Variants in NBAS observed in about 807,000 individuals in gnomAD.
NBAS encodes the protein NBAS subunit of NRZ tethering complex.
A neutral mutation model predicts 302.5 loss-of-function variants in NBAS; 219 were observed. The ratio of observed to expected loss-of-function variants is 0.72; its 90% CI spans 0.65 to 0.81. The LOEUF is 0.81. Among genes scored for constraint, NBAS ranks in the 30% least tolerant of loss-of-function variants. The probability of loss-of-function intolerance (pLI) is 0.00; values close to 1 mark genes in which losing one functional copy is unlikely to be tolerated. For missense variants in NBAS, 2,932 were observed against 2,841.6 expected (o/e 1.03, Z -0.72); for synonymous variants, 1,118 against 1,021.6 (o/e 1.09, Z -1.80).
intron 40 of NBAS, 106 bp from the exon 41 acceptor site, chr2:15,292,872 G>C: frequency 9.1e-7 from 1 of 1,093,576 alleles, no homozygotes; most frequent in South Asian, 1.3e-5. Context: ...GTTTGGCCCT[G>C]TACACTATTG....
At chr2:15,555,914 A>G (rs984588291) in intron 3 of NBAS, among the ~76,000 whole-genome samples, 1 of 152,194 alleles carries the variant, frequency 6.6e-6, no homozygotes, top group African/African-American at 2.4e-5. Flanking sequence ...AAGGGTGTTC[A>G]GGACTAACAA....
At chr2:14,823,860 A>C in the NBAS span, among the ~76,000 whole-genome samples, 9 of 152,234 alleles carry the variant, frequency 5.9e-5, no homozygotes, top group Non-Finnish European at 1.2e-4. Context: ...AAAAATGTAA[A>C]CATTTTCCAG....
chr2:15,094,398 TA>T, the NBAS span, among the ~76,000 whole-genome samples: 1 of 152,222 alleles, frequency 6.6e-6, no homozygotes. Context: ...ATGGAAATTG[TA>T]AAATGTTCCC....
chr2:15,364,488 G>A lies in NBAS; in HGVS notation c.3817+2092C>T, dbSNP rs10174784. Among the ~76,000 whole-genome samples the A allele has an allele frequency of 9.8e-3, 1,485 of 152,154 alleles. 18 individuals are homozygous for A. The highest frequency in any genetic ancestry group is 0.034 in the African/African-American group (1,402 of 41,510). On this transcript the variant is annotated intron_variant, in intron 32 of 51. Coordinates refer to ENST00000281513, the MANE Select transcript of NBAS (RefSeq NM_015909.4). ...ACAGGTTGTAGTGAGCCAAGATGGC[G>A]CCATTGCACTCCAGCCTGGGCAACA...
chr2:15,146,073 C>A, the NBAS span, among the ~76,000 whole-genome samples: 1 of 152,066 alleles, frequency 6.6e-6, no homozygotes, highest in African/African-American at 2.4e-5. Context: ...CACCTTGGAA[C>A]AACAGAAAGC....
the NBAS span, among the ~76,000 whole-genome samples, chr2:15,098,627 GTATATTA>G: frequency 5.3e-5 from 5 of 94,744 alleles, no homozygotes; most frequent in South Asian, 2.9e-4. Flanking sequence ...ATTATATATT[GTATATTA>G]TATATTATAT....
At chr2:14,989,838 A>G in the NBAS span, among the ~76,000 whole-genome samples, 4 of 152,210 alleles carry the variant, frequency 2.6e-5, no homozygotes, top group Admixed American at 6.5e-5. Context: ...ACAGTATTAC[A>G]TGGCCACTAA....
chr2:15,066,842 C>T, the NBAS span, among the ~76,000 whole-genome samples: 1 of 152,112 alleles, frequency 6.6e-6, no homozygotes, highest in Non-Finnish European at 1.5e-5. Context: ...ATCCAGCAAT[C>T]CCACTTCTAA....
At chr2:14,792,298 C>A in the NBAS span, among the ~76,000 whole-genome samples, 1 of 152,188 alleles carries the variant, frequency 6.6e-6, no homozygotes, top group African/African-American at 2.4e-5. Context: ...TGCCTTAATA[C>A]ACCTAAGCTA....
intron 47 of NBAS, among the ~76,000 whole-genome samples, chr2:15,224,930 G>A (rs550670625): frequency 6.6e-6 from 1 of 152,286 alleles, no homozygotes; most frequent in East Asian, 1.9e-4. Context: ...CAGCTCCCAT[G>A]AAACAATCGG....
chr2:15,328,297 C>G lies in NBAS; in HGVS notation c.4363G>C (p.Gly1455Arg). 6.2e-7 allele frequency: 1 copy of G among 1,613,588 alleles called. No homozygotes were observed. The highest frequency in any genetic ancestry group is 8.5e-7 in the Non-Finnish European group (1 of 1,179,826). ...GCTGTAGTTCCGATTTGATATGCAC[C>G]ACCACATTTTTGCCCCTAAAAAGAA... ...LRPLQGQKCG[G>R]AYQIGTTANE... The change falls in exon 37 of 52, where the codon GGT (glycine) becomes CGT (arginine). Residue 1455 changes from glycine to arginine, a missense_variant. Physicochemically the swap from Gly to Arg is moderately radical, Grantham distance 125. Coordinates refer to ENST00000281513, the MANE Select transcript of NBAS (RefSeq NM_015909.4).
intron 23 of NBAS, among the ~76,000 whole-genome samples, chr2:15,420,120 C>T (rs769492481): frequency 1.8e-4 from 28 of 152,086 alleles, no homozygotes; most frequent in Non-Finnish European, 3.8e-4. Context: ...AACAGTAGCA[C>T]GCTGGGCAAT....
the NBAS span, among the ~76,000 whole-genome samples, chr2:14,917,757 T>C: frequency 6.6e-6 from 1 of 152,188 alleles, no homozygotes; most frequent in Non-Finnish European, 1.5e-5. Flanking sequence ...AGTATCTGTT[T>C]CATTTTATAT....
At chr2:14,784,083 A>AT in the NBAS span, among the ~76,000 whole-genome samples, 18 of 151,806 alleles carry the variant, frequency 1.2e-4, no homozygotes, top group African/African-American at 4.4e-4. Flanking sequence ...GATGGTGAGC[A>AT]TTTTTTCATG....
At chr2:14,814,007 C>T in the NBAS span, among the ~76,000 whole-genome samples, 2 of 152,194 alleles carry the variant, frequency 1.3e-5, no homozygotes, top group Non-Finnish European at 2.9e-5. Flanking sequence ...CAAGGTAGAA[C>T]TCAGGACTTA....
the NBAS span, among the ~76,000 whole-genome samples, chr2:14,800,243 C>G: frequency 2.6e-5 from 4 of 152,190 alleles, no homozygotes; most frequent in African/African-American, 9.7e-5. Flanking sequence ...TGAAGGAGAA[C>G]CTCGTGGGAG....
At chr2:15,139,884 A>T in the NBAS span, among the ~76,000 whole-genome samples, 1 of 152,178 alleles carries the variant, frequency 6.6e-6, no homozygotes, top group Non-Finnish European at 1.5e-5. Flanking sequence ...TGTATTTTCA[A>T]ATACAGCCGC....
At chr2:15,483,094 G>A (rs7577512) in intron 12 of NBAS, among the ~76,000 whole-genome samples, 1 of 152,092 alleles carries the variant, frequency 6.6e-6, no homozygotes, top group African/African-American at 2.4e-5. Context: ...TTTGCTAATT[G>A]TTTTTACCAC....
At chr2:15,036,475 T>C in the NBAS span, among the ~76,000 whole-genome samples, 1 of 152,178 alleles carries the variant, frequency 6.6e-6, no homozygotes, top group Non-Finnish European at 1.5e-5. Flanking sequence ...ACATCGGTAA[T>C]ATGACAATGT....
Sources: allele counts gnomAD v4.1 joint callset (sites outside exome capture counted in the v4.1 genomes callset), GRCh38; gene constraint gnomAD v4.1.1; transcripts MANE v1.5; gene names NCBI Gene and HGNC (gene_info 2026-07-23, HGNC 2026-07-21).